Variants in TAMM41 observed in about 807,000 individuals in gnomAD.
TAMM41 encodes TAM41 mitochondrial translocator assembly and maintenance homolog.
TAMM41 carries 36 observed loss-of-function variants against 44.1 expected under a neutral mutation model. The observed-to-expected ratio is 0.82, with a 90% CI of 0.63 to 1.08. The LOEUF (loss-of-function observed/expected upper bound fraction) is 1.08, where lower values mean the gene tolerates loss of function less well. Ranked by LOEUF, TAMM41 falls within the 50% of genes least tolerant of loss-of-function variation. The pLI is 0.00. For synonymous variants in TAMM41, 164 were observed against 153.1 expected (o/e 1.07, Z -0.53); for missense variants, 417 against 404.3 (o/e 1.03, Z -0.27).
At chr3:11,746,619 T>TATAAAGAGCA in the TAMM41 span, among the ~76,000 whole-genome samples, 970 of 151,788 alleles carry the variant, frequency 6.4e-3, 13 homozygotes, top group Non-Finnish European at 7.3e-3. Context: ...AGAGGCTATA[T>TATAAAGAGCA]ATTCTAGGAT....
At chr3:11,832,314 G>T (rs1045079500) in intron 3 of TAMM41, among the ~76,000 whole-genome samples, 6 of 148,990 alleles carry the variant, frequency 4.0e-5, no homozygotes, top group Non-Finnish European at 8.9e-5. Flanking sequence ...GTTCCAAAAA[G>T]CAAATGTTGA....
chr3:11,731,320 G>A, the TAMM41 span, among the ~76,000 whole-genome samples: 2 of 151,936 alleles, frequency 1.3e-5, no homozygotes, highest in Admixed American at 1.3e-4. Flanking sequence ...CTCTTTCCAG[G>A]ACATAGAAGC....
At chr3:11,823,188 T>C (rs1028115147) in intron 4 of TAMM41, among the ~76,000 whole-genome samples, 7 of 152,248 alleles carry the variant, frequency 4.6e-5, no homozygotes, top group South Asian at 2.1e-4. Flanking sequence ...TCTGAAGAAA[T>C]GGCTATTCAA....
At chr3:11,797,302 T>C (rs1247428663) in intron 7 of TAMM41, among the ~76,000 whole-genome samples, 1 of 152,060 alleles carries the variant, frequency 6.6e-6, no homozygotes, top group Non-Finnish European at 1.5e-5. Context: ...AACAGACACA[T>C]AGACCAATGG....
At chr3:11,840,576 G>A (rs143813316) in intron 2 of TAMM41, among the ~76,000 whole-genome samples, 44 of 152,052 alleles carry the variant, frequency 2.9e-4, no homozygotes, top group East Asian at 7.7e-4. Flanking sequence ...ACAGTGAACC[G>A]ATTTTGTCCA....
the TAMM41 span, among the ~76,000 whole-genome samples, chr3:11,751,425 C>T: frequency 6.6e-6 from 1 of 152,200 alleles, no homozygotes; most frequent in East Asian, 1.9e-4. Context: ...GCAGCATCTT[C>T]TTGGACATCC....
chr3:11,846,772 G>T lies in TAMM41; in HGVS notation c.-136C>A. 1.7e-6 allele frequency: 2 copies of T among 1,156,972 alleles called. No individual in the cohort carries two copies. The highest frequency in any genetic ancestry group is 1.4e-5 in the South Asian group (1 of 69,934). The allele number at this position is 1,156,972 out of a possible 1,614,324, so 71.7% of individuals were successfully genotyped here. On this transcript the variant is annotated 5_prime_UTR_variant, in exon 1 of 8. Transcript: ENST00000455809. Reference sequence around the variant, plus strand: ...CGAGGGACACAAGGCTGAGTGTGGGGTGGGACTGCAAGCACACGCAAGGAT... The same window carrying T: ...CGAGGGACACAAGGCTGAGTGTGGGTTGGGACTGCAAGCACACGCAAGGAT...
chr3:11,826,530 C>CAAAAAA (rs11388352), intron 4 of TAMM41, among the ~76,000 whole-genome samples: 1 of 62,222 alleles, frequency 1.6e-5, no homozygotes. Flanking sequence ...CCTTGTCTCT[C>CAAAAAA]AAAAAAAAAA....
chr3:11,825,353 C>T (rs2078704109), intron 4 of TAMM41, among the ~76,000 whole-genome samples: 1 of 152,144 alleles, frequency 6.6e-6, no homozygotes, highest in South Asian at 2.1e-4. Context: ...TACTGAGTAA[C>T]CTGAGTTCCG....
intron 6 of TAMM41, chr3:11,808,301 A>C: frequency 2.9e-6 from 3 of 1,028,034 alleles, no homozygotes; most frequent in Non-Finnish European, 1.2e-6. Context: ...AAACACACAT[A>C]CGGATTCCAC....
the TAMM41 span, among the ~76,000 whole-genome samples, chr3:11,748,974 G>A: frequency 5.5e-5 from 8 of 146,442 alleles, no homozygotes; most frequent in African/African-American, 2.0e-4. Flanking sequence ...GTGCAGTGGT[G>A]CCATCTTGGC....
At chr3:11,761,342 T>A in the TAMM41 span, among the ~76,000 whole-genome samples, 2 of 152,124 alleles carry the variant, frequency 1.3e-5, no homozygotes, top group African/African-American at 2.4e-5. Context: ...TTTCCCCTCT[T>A]GATCACCCCA....
chr3:11,761,762 C>T, the TAMM41 span, among the ~76,000 whole-genome samples: 4 of 151,810 alleles, frequency 2.6e-5, no homozygotes, highest in East Asian at 3.9e-4. Context: ...GCCTGACCAA[C>T]GTGGTGAAAT....
At chr3:11,768,595 G>A in the TAMM41 span, among the ~76,000 whole-genome samples, 3 of 152,214 alleles carry the variant, frequency 2.0e-5, no homozygotes, top group Non-Finnish European at 4.4e-5. Context: ...CAGACACCAG[G>A]AAATTTAGAG....
In TAMM41 at chr3:11,817,256, A is replaced by G; in HGVS notation, c.644T>C (p.Leu215Pro). The part of the protein sequence containing the change: ...VKPNIAHFRE[L>P]YGSILQENPQ... ...ATTTTCCTGTAGTATGCTGCCATAGAGCTCTCGAAAGTGGGCTATATTGGG... is the reference window on the plus strand; with the variant it reads ...ATTTTCCTGTAGTATGCTGCCATAGGGCTCTCGAAAGTGGGCTATATTGGG... Residue 215 changes from leucine (L) to proline (P), a missense_variant, in exon 5 of 8, where the codon CTC becomes CCC. Transcript: ENST00000455809. The G allele has an allele frequency of 6.2e-7, 1 of 1,613,594 alleles. No individual in the cohort carries two copies. Among genetic ancestry groups the G allele is most frequent in the East Asian group, 2.2e-5 (1 of 44,872 alleles).
the TAMM41 span, among the ~76,000 whole-genome samples, chr3:11,761,488 G>C: frequency 6.6e-6 from 1 of 152,040 alleles, no homozygotes; most frequent in East Asian, 1.9e-4. Context: ...TGCAGTTCCA[G>C]GCCCCAGGTC....
intron 6 of TAMM41, chr3:11,808,452 A>G (rs1256123989): frequency 4.1e-6 from 4 of 986,568 alleles, no homozygotes; most frequent in Non-Finnish European, 4.8e-6. Context: ...CACACTCTGC[A>G]AACCTAGTGC....
At chr3:11,777,772 T>C in the TAMM41 span, among the ~76,000 whole-genome samples, 1 of 152,076 alleles carries the variant, frequency 6.6e-6, no homozygotes, top group Non-Finnish European at 1.5e-5. Context: ...CCAGCCTGGG[T>C]GAGGGAACGA....
At chr3:11,766,219 C>T in the TAMM41 span, among the ~76,000 whole-genome samples, 151 of 151,596 alleles carry the variant, frequency 1.0e-3, no homozygotes, top group African/African-American at 3.4e-3. Flanking sequence ...GGCTGGAGTG[C>T]GGAGTGAGGA....
Sources: gnomAD v4.1 joint callset for allele counts (sites outside exome capture counted in the v4.1 genomes callset) on GRCh38, gnomAD v4.1.1 for gene constraint, MANE v1.5 for transcripts, NCBI Gene and HGNC (gene_info 2026-07-23, HGNC 2026-07-21) for gene names.